The following SLC26A5 variants were observed in gnomAD, a reference collection of about 807,000 sequenced individuals.
The protein encoded by SLC26A5 is solute carrier family 26 member 5, also known as prestin.
Under a neutral mutation model 81.0 loss-of-function variants are expected in SLC26A5, and 51 were observed. The ratio of observed to expected loss-of-function variants is 0.63; its 90% CI spans 0.50 to 0.80. SLC26A5 has a LOEUF of 0.80. Among genes scored for constraint, SLC26A5 ranks in the 30% least tolerant of loss-of-function variants. SLC26A5 has a pLI of 0.00. For missense variants in SLC26A5, 771 were observed against 905.8 expected, an observed-to-expected ratio of 0.85 and a Z score of 1.91; for synonymous variants, 325 against 332.8, an observed-to-expected ratio of 0.98 and a Z score of 0.25.
rs1480136383 is a variant in SLC26A5, at chr7:103,413,007, G to A, written c.398C>T (p.Ser133Phe). 1 of 1,594,934 alleles carries A rather than the reference G, an allele frequency of 6.3e-7. No homozygotes were observed. The highest frequency in any genetic ancestry group is 8.6e-7 in the Non-Finnish European group (1 of 1,162,694). The change falls in exon 5 of 20, where the codon TCC (serine) becomes TTC (phenylalanine). Residue 133 changes from serine (S) to phenylalanine (F), a missense_variant. Physicochemically the swap from Ser to Phe is radical, Grantham distance 155. Coordinates refer to ENST00000306312, the MANE Select transcript of SLC26A5 (RefSeq NM_198999.3). ...TATCAAATGTAAGCTTTTACCTATGGATATGTGTCTGGAGGTTCCAAGAAA... is the reference window on the plus strand; with the variant it reads ...TATCAAATGTAAGCTTTTACCTATGAATATGTGTCTGGAGGTTCCAAGAAA... The part of the protein sequence containing the change: ...YCFLGTSRHI[S>F]IGPFAVISLM...
chr7:103,354,535 A>AT (rs1298247813), intron 19 of SLC26A5, among the ~76,000 whole-genome samples: 1 of 151,798 alleles, frequency 6.6e-6, no homozygotes, highest in Non-Finnish European at 1.5e-5. Context: ...CGTCTGGCTA[A>AT]TTTTTTGTAT....
At chr7:103,394,845 A>G (rs924262731) in intron 9 of SLC26A5, among the ~76,000 whole-genome samples, 3 of 152,204 alleles carry the variant, frequency 2.0e-5, no homozygotes, top group African/African-American at 7.2e-5. Context: ...ATGTGGTGGA[A>G]GTGATGCTGT....
intron 19 of SLC26A5, among the ~76,000 whole-genome samples, chr7:103,357,869 G>A (rs770524043): frequency 3.3e-5 from 5 of 152,170 alleles, no homozygotes; most frequent in African/African-American, 4.8e-5. Context: ...AGATCTGTTC[G>A]TTTTCTCTCA....
At chr7:103,428,463 T>C (rs1825846822) in intron 2 of SLC26A5, among the ~76,000 whole-genome samples, 2 of 152,186 alleles carry the variant, frequency 1.3e-5, no homozygotes, top group Non-Finnish European at 2.9e-5. Context: ...TGGAGGAATC[T>C]ATGCCATAAA....
rs111825588 is a variant in SLC26A5 at position 103,396,674 on chromosome 7, G to T, written c.971+1258C>A. ...GAACGGTGGTTACTGGGGGCTGGGG[G>T]AAGAAGAAAAGAGGAAGCTCTTGCT... On this transcript the variant is annotated intron_variant, in intron 9 of 19. Coordinates refer to ENST00000306312, the MANE Select transcript of SLC26A5 (RefSeq NM_198999.3). 5.9e-3 allele frequency among the ~76,000 whole-genome samples: 901 copies of T among 152,256 alleles called. 7 individuals carry two copies. Among genetic ancestry groups the T allele is most frequent in the Non-Finnish European group, 9.8e-3 (666 of 68,014 alleles).
chr7:103,376,784 A>AC, intron 19 of SLC26A5, 24 bp downstream of exon 19: 1 of 1,533,468 alleles, frequency 6.5e-7, no homozygotes, highest in Non-Finnish European at 9.0e-7. Context: ...ATTAAGCTTC[A>AC]CCCCATCTTA....
At chr7:103,402,754 G>A (rs1823711806) in intron 8 of SLC26A5, among the ~76,000 whole-genome samples, 1 of 151,982 alleles carries the variant, frequency 6.6e-6, no homozygotes, top group East Asian at 1.9e-4. Flanking sequence ...ATTTTTTACT[G>A]TGCCTATTTG....
chr7:103,389,431 CAG>C lies in SLC26A5; in HGVS notation c.1312-9_1312-8del, dbSNP rs1458918134. ...CAATGGCCGACAGCACAGCCTGAAA[CAG>C]AGCACATCCCCCATGCCTCTCCTCT... On this transcript the variant is annotated splice_polypyrimidine_tract_variant and splice_region_variant and intron_variant, in intron 12 of 19. Coordinates refer to ENST00000306312, the MANE Select transcript of SLC26A5 (RefSeq NM_198999.3). The C allele has an allele frequency of 1.9e-6, 3 of 1,604,150 alleles. No homozygotes were observed. The highest frequency in any genetic ancestry group is 2.6e-6 in the Non-Finnish European group (3 of 1,171,038).
intron 2 of SLC26A5, among the ~76,000 whole-genome samples, chr7:103,424,499 T>C (rs567642580): frequency 2.0e-5 from 3 of 152,326 alleles, no homozygotes; most frequent in Admixed American, 6.5e-5. Context: ...GCTTCCTCTC[T>C]TTCATCTTAT....
At chr7:103,432,310 G>T (rs1007145534) in intron 2 of SLC26A5, among the ~76,000 whole-genome samples, 6 of 152,084 alleles carry the variant, frequency 3.9e-5, no homozygotes, top group African/African-American at 1.4e-4. Flanking sequence ...AATATATACT[G>T]ATTTATTCTC....
In SLC26A5 at chr7:103,397,889, T is replaced by C. The variant is rs761411821; in HGVS notation, c.971+43A>G. ...GTAAGAGTTAGAGGCAATAGATCCA[T>C]TGATTATTTCAGTCACACAGTTACT... On this transcript the variant is annotated intron_variant, in intron 9 of 19. Transcript: ENST00000306312. 1.0e-5 allele frequency: 14 copies of C among 1,394,520 alleles called. No homozygotes were observed. The East Asian group carries it at 1.1e-4, about 11-fold the overall frequency. The allele number at this position is 1,394,520 out of a possible 1,614,324, so 86.4% of individuals were successfully genotyped here.
At chr7:103,398,637 C>A (rs576354396) in intron 8 of SLC26A5, among the ~76,000 whole-genome samples, 21 of 152,254 alleles carry the variant, frequency 1.4e-4, no homozygotes, top group African/African-American at 4.6e-4. Flanking sequence ...AAAGTACAAT[C>A]CCTAATGAGT....
At chr7:103,389,300 T>C in intron 13 of SLC26A5, 29 bp downstream of exon 13, 1 of 1,477,670 alleles carries the variant, frequency 6.8e-7, no homozygotes, top group South Asian at 1.1e-5. Context: ...CTATGACATA[T>C]TAACAGAGCC....
At chr7:103,364,107 G>T in intron 19 of SLC26A5, 1 of 1,598,076 alleles carries the variant, frequency 6.3e-7, no homozygotes, top group Non-Finnish European at 8.5e-7. Context: ...TTGTTATACA[G>T]AAGTGGTAAG....
At chr7:103,380,614 G>C in intron 14 of SLC26A5, 65 bp from the exon 15 acceptor site, 1 of 1,447,314 alleles carries the variant, frequency 6.9e-7, no homozygotes, top group Non-Finnish European at 9.7e-7. Context: ...ACAGGAGGTT[G>C]TGTATGTTTA....
intron 2 of SLC26A5, among the ~76,000 whole-genome samples, chr7:103,436,592 G>A (rs933173494): frequency 3.3e-5 from 5 of 152,122 alleles, no homozygotes; most frequent in African/African-American, 1.2e-4. Flanking sequence ...AAGTGGACAA[G>A]GTGTCTAAGC....
intron 19 of SLC26A5, among the ~76,000 whole-genome samples, chr7:103,359,444 A>AT (rs1366691917): frequency 6.6e-6 from 1 of 152,040 alleles, no homozygotes; most frequent in East Asian, 1.9e-4. Flanking sequence ...AGAATAGAAT[A>AT]TTTTTGTCAC....
chr7:103,421,310 G>T, intron 3 of SLC26A5, 53 bp downstream of exon 3: 1 of 1,591,612 alleles, frequency 6.3e-7, no homozygotes, highest in Non-Finnish European at 8.6e-7. Context: ...TTGACCTTGC[G>T]CCTCTCATAA....
chr7:103,369,419 A>G (rs958999328), downstream of SLC26A5: 2 of 152,214 alleles, frequency 1.3e-5, no homozygotes, highest in Admixed American at 1.3e-4. Flanking sequence ...CCACTTTGTC[A>G]TGGCCACGTG....
Sources: gnomAD v4.1 joint callset for allele counts (sites outside exome capture counted in the v4.1 genomes callset) on GRCh38, gnomAD v4.1.1 for gene constraint, MANE v1.5 for transcripts, NCBI Gene and HGNC (gene_info 2026-07-23, HGNC 2026-07-21) for gene names.